TGFBR2: variants seen among roughly 807,000 people sequenced by gnomAD.
TGFBR2 encodes the protein transforming growth factor beta receptor 2.
TGFBR2 carries 18 observed loss-of-function variants against 49.0 expected under a neutral mutation model. The observed-to-expected ratio is 0.37, with a 90% CI of 0.25 to 0.54. The LOEUF (loss-of-function observed/expected upper bound fraction) is 0.54. Among genes scored for constraint, TGFBR2 ranks in the 20% least tolerant of loss-of-function variants. The pLI, the probability that TGFBR2 is intolerant of heterozygous loss-of-function variation, is 0.85. For synonymous variants in TGFBR2, 282 were observed against 275.9 expected, an observed-to-expected ratio of 1.02 and a Z score of -0.22; for missense variants, 525 against 722.6, an observed-to-expected ratio of 0.73 and a Z score of 3.13.
In TGFBR2 at chr3:30,661,484, A is replaced by G. The variant is rs1222054884; in HGVS notation, c.455-10154A>G. The G allele has an allele frequency of 6.6e-6, 3 of 451,140 alleles. No homozygotes were observed. The East Asian group carries it at 2.0e-4, about 30-fold the overall frequency. 27.9% of individuals were successfully genotyped at this position (451,140 alleles called of 1,614,324 possible). On this transcript the variant is annotated intron_variant, in intron 3 of 6. Transcript: ENST00000295754. ...GGATGCCTAAAAGAGCAAAGGCTGA[A>G]TCAGGGTTTTAATGGCCTGAAATGA...
intron 1 of TGFBR2, among the ~76,000 whole-genome samples, chr3:30,608,795 G>A (rs1697983433): frequency 1.3e-5 from 2 of 152,192 alleles, no homozygotes; most frequent in African/African-American, 4.8e-5. Flanking sequence ...CTGCATTGCA[G>A]TACCAGAATG....
At chr3:30,658,228 G>A (rs150826523) in intron 3 of TGFBR2, among the ~76,000 whole-genome samples, 2 of 152,294 alleles carry the variant, frequency 1.3e-5, no homozygotes, top group African/African-American at 2.4e-5. Context: ...TACCAGAAAA[G>A]CTTAGAGTCA....
At chr3:30,635,083 T>C (rs528669844) in intron 1 of TGFBR2, among the ~76,000 whole-genome samples, 3 of 152,222 alleles carry the variant, frequency 2.0e-5, no homozygotes, top group Non-Finnish European at 4.4e-5. Context: ...ATGACAGTAT[T>C]TACTATAAAC....
intron 1 of TGFBR2, among the ~76,000 whole-genome samples, chr3:30,640,698 A>G (rs1174288834): frequency 6.6e-6 from 1 of 152,182 alleles, no homozygotes; most frequent in Non-Finnish European, 1.5e-5. Flanking sequence ...GAAACCGCAG[A>G]TGTGGAACCC....
At chr3:30,650,222 T>C (rs1406147354) in intron 2 of TGFBR2, 48 bp from the exon 3 acceptor site, 8 of 1,577,640 alleles carry the variant, frequency 5.1e-6, no homozygotes, top group Non-Finnish European at 7.0e-6. Flanking sequence ...TTTATTCTCT[T>C]TCTCTCTCTC....
intron 3 of TGFBR2, among the ~76,000 whole-genome samples, chr3:30,670,916 C>T (rs534368012): frequency 1.7e-4 from 26 of 152,326 alleles, no homozygotes; most frequent in African/African-American, 6.0e-4. Flanking sequence ...AGATCCTTTC[C>T]ATGGACTCCT....
At chr3:30,628,496 A>G (rs1165198444) in intron 1 of TGFBR2, among the ~76,000 whole-genome samples, 50 of 147,980 alleles carry the variant, frequency 3.4e-4, no homozygotes, top group Non-Finnish European at 6.1e-4. Context: ...AATCCTCCAA[A>G]AAAAAAAAAA....
intron 3 of TGFBR2, among the ~76,000 whole-genome samples, chr3:30,669,043 C>G (rs1271994189): frequency 7.2e-6 from 1 of 138,654 alleles, no homozygotes; most frequent in Non-Finnish European, 1.5e-5. Flanking sequence ...TTTTGGAGGC[C>G]AAGGCGGGCA....
At chr3:30,669,617 A>G (rs963921436) in intron 3 of TGFBR2, among the ~76,000 whole-genome samples, 6 of 152,184 alleles carry the variant, frequency 3.9e-5, no homozygotes. Flanking sequence ...TATTATGCAA[A>G]TGGGCTTTCC....
rs727504343 is a variant in TGFBR2 at position 30,650,303 on chromosome 3, A to G, written c.297A>G (p.Thr99=). The change falls in exon 3 of 7, where the codon ACA becomes ACG. Residue 99 remains threonine (T), a synonymous_variant. Coordinates refer to ENST00000295754, the MANE Select transcript of TGFBR2 (RefSeq NM_003242.6). ...RKNDENITLE[T]VCHDPKLPYH... is the part of the protein sequence containing the mutation. ...ATGACGAGAACATAACACTAGAGAC[A>G]GTTTGCCATGACCCCAAGCTCCCCT... is the stretch of plus-strand genomic sequence containing the variant. 3 of 1,614,002 alleles carry G rather than the reference A, an allele frequency of 1.9e-6. No individual in the cohort carries two copies. Among genetic ancestry groups the G allele is most frequent in the Non-Finnish European group, 2.5e-6 (3 of 1,179,960 alleles).
At chr3:30,646,248 T>C (rs1039830021) in intron 2 of TGFBR2, among the ~76,000 whole-genome samples, 1 of 152,200 alleles carries the variant, frequency 6.6e-6, no homozygotes, top group African/African-American at 2.4e-5. Context: ...TCTTAAGAAC[T>C]GAAGGAATGT....
chr3:30,692,783 G>C lies in TGFBR2; in HGVS notation c.*1184G>C, dbSNP rs1699738369. On this transcript the variant is annotated 3_prime_UTR_variant, in exon 7 of 7. Coordinates refer to ENST00000295754, the MANE Select transcript of TGFBR2 (RefSeq NM_003242.6). Reference sequence around the variant, plus strand: ...ATATGTTTTGTTTGGTCAGCACAGCGTTTCAAAAAGTGAAGCCACTTTATA... The same window carrying C: ...ATATGTTTTGTTTGGTCAGCACAGCCTTTCAAAAAGTGAAGCCACTTTATA... The C allele has an allele frequency of 4.3e-6, 1 of 233,066 alleles. No individual in the cohort carries two copies. The allele number at this position is 233,066 out of a possible 1,614,324, so 14.4% of individuals were successfully genotyped here.
At chr3:30,656,592 G>T (rs1231802090) in intron 3 of TGFBR2, among the ~76,000 whole-genome samples, 4 of 152,198 alleles carry the variant, frequency 2.6e-5, no homozygotes, top group Non-Finnish European at 5.9e-5. Context: ...ATTGTCTGCT[G>T]AAGGTGGGTA....
Position 30,671,735 on chromosome 3 carries a change from C to T in TGFBR2, c.552C>T (p.Ile184=), listed in dbSNP as rs2125433501. The T allele has an allele frequency of 6.2e-7, 1 of 1,614,214 alleles. No individual in the cohort carries two copies. Reference sequence around the variant, plus strand: ...TGGGAGTTGCCATATCTGTCATCATCATCTTCTACTGCTACCGCGTTAACC... The same window carrying T: ...TGGGAGTTGCCATATCTGTCATCATTATCTTCTACTGCTACCGCGTTAACC... ...PPLGVAISVI[I]IFYCYRVNRQ... Residue 184 remains isoleucine (I), a synonymous_variant, in exon 4 of 7, where the codon ATC becomes ATT. Transcript: ENST00000295754.
intron 3 of TGFBR2, among the ~76,000 whole-genome samples, chr3:30,654,893 A>G (rs144559741): frequency 2.0e-5 from 3 of 152,370 alleles, no homozygotes; most frequent in African/African-American, 7.2e-5. Context: ...GTGCAGTCAG[A>G]CATTTAATTT....
intron 3 of TGFBR2, among the ~76,000 whole-genome samples, chr3:30,663,047 A>T (rs1235784279): frequency 6.6e-6 from 1 of 152,188 alleles, no homozygotes. Context: ...CTGCGGGCAC[A>T]CTTAGAATAA....
At chr3:30,656,161 G>A (rs1698994209) in intron 3 of TGFBR2, among the ~76,000 whole-genome samples, 1 of 152,172 alleles carries the variant, frequency 6.6e-6, no homozygotes, top group Admixed American at 6.5e-5. Context: ...CTGGTCATTT[G>A]GAAATGAACT....
intron 3 of TGFBR2, among the ~76,000 whole-genome samples, chr3:30,662,522 G>C (rs1699152507): frequency 6.6e-6 from 1 of 152,158 alleles, no homozygotes; most frequent in South Asian, 2.1e-4. Flanking sequence ...ATCATTTGAG[G>C]AAAAAATACT....
intron 3 of TGFBR2, among the ~76,000 whole-genome samples, chr3:30,670,054 G>A (rs1029890931): frequency 2.6e-5 from 4 of 151,918 alleles, no homozygotes; most frequent in African/African-American, 7.3e-5. Flanking sequence ...TTTCTGACAC[G>A]GAGTTTGGTT....
Sources: gnomAD v4.1 joint callset for allele counts (sites outside exome capture counted in the v4.1 genomes callset) on GRCh38, gnomAD v4.1.1 for gene constraint, MANE v1.5 for transcripts, NCBI Gene and HGNC (gene_info 2026-07-23, HGNC 2026-07-21) for gene names.